COMMD1: variants seen among roughly 807,000 people sequenced by gnomAD.
COMMD1 encodes the protein COMM domain-containing protein 1.
A neutral mutation model predicts 17.2 loss-of-function variants in COMMD1; 10 were observed. The observed-to-expected ratio is 0.58, with a 90% CI of 0.36 to 0.99. The LOEUF (loss-of-function observed/expected upper bound fraction) is 0.99. Among genes scored for constraint, COMMD1 ranks in the 50% least tolerant of loss-of-function variants. COMMD1 has a pLI of 0.01. For synonymous variants in COMMD1, 97 were observed against 91.6 expected (o/e 1.06, Z -0.34); for missense variants, 270 against 231.8 (o/e 1.17, Z -1.07).
At chr2:61,914,278 T>G (rs1669993071) in intron 1 of COMMD1, among the ~76,000 whole-genome samples, 1 of 152,230 alleles carries the variant, frequency 6.6e-6, no homozygotes, top group South Asian at 2.1e-4. Context: ...TATTTGCTCT[T>G]TGAGGAATTT....
intron 1 of COMMD1, among the ~76,000 whole-genome samples, chr2:61,920,840 A>G (rs1670170396): frequency 6.6e-6 from 1 of 151,712 alleles, no homozygotes; most frequent in East Asian, 1.9e-4. Context: ...TAACCCTTAA[A>G]GATTTTTACT....
At chr2:62,043,294 G>C (rs549028690) in intron 2 of COMMD1, among the ~76,000 whole-genome samples, 17 of 152,268 alleles carry the variant, frequency 1.1e-4, no homozygotes, top group African/African-American at 2.6e-4. Context: ...TAAAATATCA[G>C]ACTTGAGTTC....
At chr2:62,126,981 A>G (rs1046946435) in intron 2 of COMMD1, among the ~76,000 whole-genome samples, 11 of 152,184 alleles carry the variant, frequency 7.2e-5, no homozygotes, top group African/African-American at 2.4e-4. Flanking sequence ...AGAAAACCCT[A>G]TCATCTCAGC....
At chr2:62,066,442 T>A (rs1326595029) in intron 2 of COMMD1, among the ~76,000 whole-genome samples, 1 of 151,700 alleles carries the variant, frequency 6.6e-6, no homozygotes, top group Non-Finnish European at 1.5e-5. Flanking sequence ...AAATCTTTTT[T>A]TTTTTTTTTT....
chr2:61,904,767 G>C (rs528481491), upstream of COMMD1, among the ~76,000 whole-genome samples: 44 of 152,272 alleles, frequency 2.9e-4, no homozygotes, highest in South Asian at 8.9e-3. Context: ...ATATTAACAA[G>C]GTTGTGCTTC....
chr2:62,003,826 G>A (rs1490387708), intron 2 of COMMD1, among the ~76,000 whole-genome samples: 1 of 152,072 alleles, frequency 6.6e-6, no homozygotes, highest in African/African-American at 2.4e-5. Flanking sequence ...ATATTATTTC[G>A]TTAATACTAT....
rs1039983077 is a variant in COMMD1 at position 61,893,989 on chromosome 2, G to A, written n.119+5147G>A. Among the ~76,000 whole-genome samples the A allele has an allele frequency of 2.0e-5, 3 of 152,166 alleles. No homozygotes were observed. The South Asian group carries it at 6.2e-4, about 31-fold the overall frequency. ...CAGGTAAGAGAACAGCTTGAGCCCA[G>A]GAGTTAAAGGATGCACTCTTATGAT... On this transcript the variant is annotated intron_variant and non_coding_transcript_variant, in intron 1 of 2. Coordinates refer to the COMMD1 transcript ENST00000472729.
At chr2:61,908,164 T>G (rs959275103) in intron 1 of COMMD1, among the ~76,000 whole-genome samples, 7 of 152,004 alleles carry the variant, frequency 4.6e-5, no homozygotes, top group Non-Finnish European at 8.8e-5. Flanking sequence ...TGCCTTTGAT[T>G]GTTTTACATA....
At chr2:62,120,538 G>C (rs374746405) in intron 2 of COMMD1, among the ~76,000 whole-genome samples, 21 of 151,954 alleles carry the variant, frequency 1.4e-4, no homozygotes, top group Non-Finnish European at 2.4e-4. Context: ...TTCTCCTTCA[G>C]TGTGATCTGC....
chr2:61,959,407 G>A (rs1313900265), intron 1 of COMMD1, among the ~76,000 whole-genome samples: 1 of 152,132 alleles, frequency 6.6e-6, no homozygotes, highest in Non-Finnish European at 1.5e-5. Flanking sequence ...GAAATAATAC[G>A]TGAGTAACAG....
intron 2 of COMMD1, among the ~76,000 whole-genome samples, chr2:62,105,860 T>TC (rs776600776): frequency 3.3e-5 from 5 of 152,160 alleles, no homozygotes; most frequent in African/African-American, 4.8e-5. Context: ...TCTCAAGAAC[T>TC]CATTTACTGC....
Position 61,981,318 on chromosome 2 carries a change from A to G in COMMD1, c.181-19383A>G, listed in dbSNP as rs187108197. Among the ~76,000 whole-genome samples, 122 of 152,260 alleles carry G rather than the reference A, an allele frequency of 8.0e-4. 1 individual carries two copies. Among genetic ancestry groups the G allele is most frequent in the African/African-American group, 2.5e-3 (104 of 41,566 alleles). Reference sequence around the variant, plus strand: ...TAAGTCTCTCATCCATTTTGATTTGATTTTTGTACATGGCGAGAGATAGGG... The same window carrying G: ...TAAGTCTCTCATCCATTTTGATTTGGTTTTTGTACATGGCGAGAGATAGGG... On this transcript the variant is annotated intron_variant, in intron 1 of 2. Transcript: ENST00000311832.
intron 1 of COMMD1, among the ~76,000 whole-genome samples, chr2:61,943,829 T>G (rs13391452): frequency 6.6e-6 from 1 of 152,076 alleles, no homozygotes; most frequent in Admixed American, 6.5e-5. Flanking sequence ...AGTGAGACTC[T>G]GTCTCAAAAA....
intron 2 of COMMD1, among the ~76,000 whole-genome samples, chr2:62,014,400 G>C (rs973070432): frequency 2.0e-5 from 3 of 151,818 alleles, no homozygotes; most frequent in Non-Finnish European, 2.9e-5. Flanking sequence ...GTACTGGCTG[G>C]TTGGCTCTGG....
At chr2:61,994,117 G>C (rs997756079) in intron 1 of COMMD1, among the ~76,000 whole-genome samples, 2 of 152,074 alleles carry the variant, frequency 1.3e-5, no homozygotes, top group Non-Finnish European at 2.9e-5. Context: ...CTCTCGAGTA[G>C]GTGGGATTAC....
rs1346022436 is a variant in COMMD1 at position 61,934,186 on chromosome 2, G to C, written c.180+28328G>C. 2.6e-5 allele frequency among the ~76,000 whole-genome samples: 4 copies of C among 152,180 alleles called. No homozygotes were observed. In the South Asian group the frequency reaches 8.3e-4, roughly 32 times the overall value. On this transcript the variant is annotated intron_variant, in intron 1 of 2. Transcript: ENST00000311832. ...GTCAGGGGATGGTGGGGGAATGTGA[G>C]AGGTAGTACAGAATGAAAAATAAGT...
Position 61,935,952 on chromosome 2 carries a change from G to T in COMMD1, c.180+30094G>T, listed in dbSNP as rs962612987. On this transcript the variant is annotated intron_variant, in intron 1 of 2. Coordinates refer to ENST00000311832, the MANE Select transcript of COMMD1 (RefSeq NM_152516.4). ...CTGCCTCAGCCTCCTAAGTAGCTGG[G>T]ATTACAGGTGCATGCCACCATACCT... Among the ~76,000 whole-genome samples, 11 of 151,986 alleles carry T rather than the reference G, an allele frequency of 7.2e-5. No individual in the cohort carries two copies. The South Asian group carries it at 1.0e-3, about 14-fold the overall frequency.
intron 1 of COMMD1, among the ~76,000 whole-genome samples, chr2:61,898,559 A>G (rs1669597315): frequency 6.6e-6 from 1 of 152,188 alleles, no homozygotes; most frequent in African/African-American, 2.4e-5. Context: ...GAATGGAGAC[A>G]GAGGGCAGGT....
At chr2:62,063,470 G>A (rs965752473) in intron 2 of COMMD1, among the ~76,000 whole-genome samples, 1 of 152,094 alleles carries the variant, frequency 6.6e-6, no homozygotes, top group South Asian at 2.1e-4. Flanking sequence ...GATTACAGGC[G>A]TGAGCCACCG....
Sources: allele counts gnomAD v4.1 joint callset (sites outside exome capture counted in the v4.1 genomes callset), GRCh38; gene constraint gnomAD v4.1.1; transcripts MANE v1.5; gene names NCBI Gene and HGNC (gene_info 2026-07-23, HGNC 2026-07-21).